The following PCDHA6 variants were observed in gnomAD, a reference collection of about 807,000 sequenced individuals.
PCDHA6 encodes protocadherin alpha-6.
A neutral mutation model predicts 60.3 loss-of-function variants in PCDHA6; 55 were observed. The ratio of observed to expected loss-of-function variants is 0.91; its 90% CI spans 0.73 to 1.14. The LOEUF (loss-of-function observed/expected upper bound fraction) is 1.14, where lower values mean the gene tolerates loss of function less well. PCDHA6 is among the 50% of genes most tolerant of loss of function. The pLI is 0.00. For synonymous variants in PCDHA6, 652 were observed against 557.9 expected, an observed-to-expected ratio of 1.17 and a Z score of -2.38; for missense variants, 1,327 against 1,256.5, an observed-to-expected ratio of 1.06 and a Z score of -0.85.
At chr5:140,967,144 C>T (rs1042081336) in intron 1 of PCDHA6, 9 of 1,611,144 alleles carry the variant, frequency 5.6e-6, no homozygotes, top group Non-Finnish European at 7.6e-6. Context: ...TGCTGGCGCA[C>T]AACCCCGTGG....
chr5:140,897,415 A>G (rs2066090522), intron 1 of PCDHA6, among the ~76,000 whole-genome samples: 1 of 138,406 alleles, frequency 7.2e-6, no homozygotes, highest in South Asian at 2.3e-4. Context: ...TTCAATTCCC[A>G]TCTATGAGTG....
intron 1 of PCDHA6, chr5:140,836,150 T>C (rs1373246129): frequency 4.3e-6 from 7 of 1,613,640 alleles, no homozygotes; most frequent in Admixed American, 1.7e-5. Context: ...GCGCGGGCCA[T>C]GTGGTGGCGA....
At chr5:140,874,328 T>G (rs937817026) in intron 1 of PCDHA6, among the ~76,000 whole-genome samples, 1 of 144,806 alleles carries the variant, frequency 6.9e-6, no homozygotes, top group African/African-American at 2.9e-5. Flanking sequence ...TCTTATCTGT[T>G]TTTTTCTCTT....
intron 1 of PCDHA6, among the ~76,000 whole-genome samples, chr5:140,889,581 T>C (rs566040851): frequency 3.0e-4 from 45 of 152,324 alleles, no homozygotes; most frequent in Non-Finnish European, 4.3e-4. Flanking sequence ...ATTTTTGTTT[T>C]TGCTTTGAAA....
intron 1 of PCDHA6, chr5:140,858,332 C>T: frequency 6.3e-7 from 1 of 1,596,258 alleles, no homozygotes; most frequent in East Asian, 2.2e-5. Context: ...TGGGGAGGGC[C>T]TGCCCAAGGC....
intron 1 of PCDHA6, chr5:140,851,170 A>T: frequency 7.9e-7 from 1 of 1,265,740 alleles, no homozygotes; most frequent in Non-Finnish European, 1.0e-6. Flanking sequence ...ATGCTGCCAT[A>T]ACACTTGAAA....
chr5:140,968,363 G>A, intron 1 of PCDHA6: 1 of 1,614,090 alleles, frequency 6.2e-7, no homozygotes, highest in Non-Finnish European at 8.5e-7. Flanking sequence ...CAGCCTTTAT[G>A]CTGTCAACTC....
intron 1 of PCDHA6, among the ~76,000 whole-genome samples, chr5:140,972,686 AT>A (rs2096549556): frequency 8.3e-6 from 1 of 120,944 alleles, no homozygotes; most frequent in African/African-American, 3.2e-5. Context: ...TTTTTTTGAG[AT>A]GGAGTCTCAC....
chr5:140,864,192 T>A (rs528891456), intron 1 of PCDHA6: 1 of 152,324 alleles, frequency 6.6e-6, no homozygotes, highest in Admixed American at 6.5e-5. Flanking sequence ...TAATGATCCT[T>A]ATGAGAAGGT....
intron 1 of PCDHA6, chr5:140,967,124 A>G (rs782387198): frequency 1.2e-6 from 2 of 1,612,200 alleles, no homozygotes; most frequent in South Asian, 2.2e-5. Context: ...CTGCCTGCTC[A>G]GCTTGGAAGT....
At chr5:140,876,531 T>G in intron 1 of PCDHA6, 1 of 1,614,200 alleles carries the variant, frequency 6.2e-7, no homozygotes, top group South Asian at 1.1e-5. Flanking sequence ...TAATGGTTAC[T>G]TCACTGTCGC....
At chr5:140,882,164 C>A in intron 1 of PCDHA6, 1 of 1,509,950 alleles carries the variant, frequency 6.6e-7, no homozygotes, top group Non-Finnish European at 8.9e-7. Flanking sequence ...ATACCTCTTG[C>A]GAATCCTTCC....
At chr5:140,884,400 T>C (rs2060147472) in intron 1 of PCDHA6, 1 of 1,613,972 alleles carries the variant, frequency 6.2e-7, no homozygotes, top group Non-Finnish European at 8.5e-7. Context: ...TCCAGCCTGT[T>C]GGTGCTCACG....
rs139974024 is a variant in PCDHA6 at position 140,967,301 on chromosome 5, G to A, written c.2395-11648G>A. 5.0e-5 allele frequency: 81 copies of A among 1,612,148 alleles called. No homozygotes were observed. In the African/African-American group the frequency reaches 9.1e-4, roughly 18 times the overall value. ...GAGTGCGCAGGACCCCGACGTGGGC[G>A]CCAACTCAGTACAGACCTACGAGCT... On this transcript the variant is annotated intron_variant, in intron 1 of 3. Coordinates refer to ENST00000529310, the MANE Select transcript of PCDHA6 (RefSeq NM_018909.4).
At chr5:140,877,503 G>T in intron 1 of PCDHA6, 1 of 1,613,834 alleles carries the variant, frequency 6.2e-7, no homozygotes. Flanking sequence ...AGGCCCCAAA[G>T]ACGTCGTCGC....
chr5:140,905,160 A>G (rs1554191931), intron 1 of PCDHA6, among the ~76,000 whole-genome samples: 2 of 152,304 alleles, frequency 1.3e-5, no homozygotes, highest in East Asian at 1.9e-4. Flanking sequence ...TAGAATTTTC[A>G]TGGTTTCAGG....
intron 1 of PCDHA6, chr5:140,857,701 G>A (rs1043829375): frequency 4.4e-6 from 7 of 1,597,352 alleles, no homozygotes; most frequent in Non-Finnish European, 6.0e-6. Flanking sequence ...TGACGCTGCA[G>A]GTGTTCGTGC....
intron 1 of PCDHA6, among the ~76,000 whole-genome samples, chr5:140,896,658 T>C (rs2065683362): frequency 6.6e-6 from 1 of 152,154 alleles, no homozygotes; most frequent in African/African-American, 2.4e-5. Context: ...ATTACAGGCA[T>C]GAGTCACTGT....
rs1554181471 is a variant in PCDHA6, at chr5:140,884,352, A to G, written c.2394+53867A>G. ...GTGGGTCCAGAAGCGGCGCTGGTGG[A>G]TGTCAATGTTTACTTGATCATTGCC... is the stretch of plus-strand genomic sequence containing the variant. On this transcript the variant is annotated intron_variant, in intron 1 of 3. Transcript: ENST00000529310. The G allele has an allele frequency of 2.5e-6, 4 of 1,613,710 alleles. No individual in the cohort carries two copies. The Admixed American group carries it at 5.0e-5, about 20-fold the overall frequency.
Sources: gnomAD v4.1 joint callset for allele counts (sites outside exome capture counted in the v4.1 genomes callset) on GRCh38, gnomAD v4.1.1 for gene constraint, MANE v1.5 for transcripts, NCBI Gene and HGNC (gene_info 2026-07-23, HGNC 2026-07-21) for gene names.